GRK3: variants seen among roughly 807,000 people sequenced by gnomAD.
GRK3 encodes adrenergic, beta, receptor kinase 2.
GRK3 carries 54 observed loss-of-function variants against 95.7 expected under a neutral mutation model. The observed-to-expected ratio is 0.56, with a 90% CI of 0.45 to 0.71. The LOEUF (loss-of-function observed/expected upper bound fraction) is 0.71, where lower values mean the gene tolerates loss of function less well. Among genes scored for constraint, GRK3 ranks in the 30% least tolerant of loss-of-function variants. GRK3 has a pLI of 0.00. For synonymous variants in GRK3, 281 were observed against 290.8 expected (o/e 0.97, Z 0.34); for missense variants, 649 against 851.2 (o/e 0.76, Z 2.96).
At chr22:25,685,867 GTTTTT>G (rs146583867) in intron 10 of GRK3, among the ~76,000 whole-genome samples, 5 of 136,778 alleles carry the variant, frequency 3.7e-5, no homozygotes, top group African/African-American at 1.1e-4. Flanking sequence ...CACATGCCTA[GTTTTT>G]TTTTTTTTTT....
chr22:25,678,617 A>G (rs924635420), intron 8 of GRK3, among the ~76,000 whole-genome samples, 199 bp from the exon 9 acceptor site: 3 of 152,264 alleles, frequency 2.0e-5, no homozygotes, highest in Non-Finnish European at 4.4e-5. Context: ...AATGATACAA[A>G]TATCTTTTAA....
At chr22:25,651,728 G>C (rs1400216517) in intron 3 of GRK3, among the ~76,000 whole-genome samples, 1 of 152,224 alleles carries the variant, frequency 6.6e-6, no homozygotes, top group East Asian at 1.9e-4. Context: ...GAATGGAGCA[G>C]TTCCTTATAT....
intron 2 of GRK3, among the ~76,000 whole-genome samples, chr22:25,614,872 T>A (rs2084526187): frequency 6.6e-6 from 1 of 152,306 alleles, no homozygotes; most frequent in Non-Finnish European, 1.5e-5. Context: ...TCACTGGGAA[T>A]GTCTCTTTAA....
intron 2 of GRK3, among the ~76,000 whole-genome samples, chr22:25,634,078 C>T (rs1421415831): frequency 6.6e-6 from 1 of 152,034 alleles, no homozygotes; most frequent in East Asian, 1.9e-4. Context: ...TATTTTTCAC[C>T]ATTCAATTCA....
chr22:25,697,522 A>G (rs1014385000), intron 13 of GRK3, among the ~76,000 whole-genome samples: 1 of 152,174 alleles, frequency 6.6e-6, no homozygotes, highest in East Asian at 1.9e-4. Flanking sequence ...GATGGATGAG[A>G]TAAGTGGAGA....
At position 25,725,864 on chromosome 22, in the gene GRK3, G is replaced by T. The variant is rs1020980837; in HGVS notation, c.*3414G>T. 3.3e-5 allele frequency: 10 copies of T among 306,202 alleles called. No individual in the cohort carries two copies. Among genetic ancestry groups the T allele is most frequent in the African/African-American group, 1.7e-4 (8 of 46,414 alleles). The allele number at this position is 306,202 out of a possible 1,614,324, so 19.0% of individuals were successfully genotyped here. ...CTTGGGAGGCTGAGGCAGGAGAATG[G>T]CATGAACCCGGGAGGCAGAGCTTGC... On this transcript the variant is annotated 3_prime_UTR_variant, in exon 21 of 21. Transcript: ENST00000324198.
At chr22:25,673,004 C>A (rs188409761) in intron 7 of GRK3, among the ~76,000 whole-genome samples, 1 of 141,540 alleles carries the variant, frequency 7.1e-6, no homozygotes, top group African/African-American at 2.7e-5. Flanking sequence ...AACAATCAAC[C>A]GGAATTTTTT....
intron 19 of GRK3, among the ~76,000 whole-genome samples, chr22:25,720,688 G>A (rs2085425046): frequency 6.6e-6 from 1 of 151,952 alleles, no homozygotes; most frequent in Admixed American, 6.5e-5. Context: ...TCTTGGCCAG[G>A]TTGGTCTCGA....
At chr22:25,664,853 T>C (rs1043284947) in intron 5 of GRK3, among the ~76,000 whole-genome samples, 4 of 152,198 alleles carry the variant, frequency 2.6e-5, no homozygotes, top group African/African-American at 7.2e-5. Flanking sequence ...TTATGCAAAA[T>C]GAATTTGATT....
intron 1 of GRK3, among the ~76,000 whole-genome samples, chr22:25,603,175 C>G (rs1485549599): frequency 6.6e-6 from 1 of 152,116 alleles, no homozygotes; most frequent in Non-Finnish European, 1.5e-5. Flanking sequence ...CCTCGGCCTC[C>G]CAAAGTGGTG....
intron 1 of GRK3, among the ~76,000 whole-genome samples, chr22:25,587,180 C>G (rs1263686500): frequency 6.6e-6 from 1 of 152,136 alleles, no homozygotes; most frequent in Non-Finnish European, 1.5e-5. Context: ...CGTGAGCCAC[C>G]GTGCCCAGTG....
intron 19 of GRK3, among the ~76,000 whole-genome samples, chr22:25,719,692 G>C (rs1196174629): frequency 1.5e-5 from 2 of 130,422 alleles, no homozygotes; most frequent in Admixed American, 1.6e-4. Flanking sequence ...TTCTTTTCTT[G>C]GTGGGGTGGG....
At chr22:25,703,484 G>C in intron 13 of GRK3, 26 bp from the exon 14 acceptor site, 1 of 1,583,792 alleles carries the variant, frequency 6.3e-7, no homozygotes, top group Non-Finnish European at 8.7e-7. Context: ...GCCATATTTT[G>C]ATAGAACAAT....
chr22:25,594,481 G>T (rs1212439071), intron 1 of GRK3, among the ~76,000 whole-genome samples: 1 of 152,130 alleles, frequency 6.6e-6, no homozygotes, highest in Non-Finnish European at 1.5e-5. Context: ...AAATCCAGCA[G>T]CACATCAAAG....
chr22:25,568,179 A>G (rs1931559873), intron 1 of GRK3, among the ~76,000 whole-genome samples: 2 of 152,224 alleles, frequency 1.3e-5, no homozygotes, highest in Admixed American at 6.5e-5. Flanking sequence ...GTTGTTTTAC[A>G]TCATGTTGGA....
rs542733083 is a variant in GRK3 at position 25,673,962 on chromosome 22, A to C, written c.556-475A>C. Among the ~76,000 whole-genome samples the C allele has an allele frequency of 1.7e-4, 26 of 151,870 alleles. 1 individual carries two copies. The highest frequency in any genetic ancestry group is 6.8e-3 in the Middle Eastern group (2 of 294). ...TGGCCTGCATCTGTTGGGTTTCCTG[A>C]TCATATGGCCTTGTATCATGAACAC... is the stretch of plus-strand genomic sequence containing the variant. On this transcript the variant is annotated intron_variant, in intron 7 of 20. Coordinates refer to ENST00000324198, the MANE Select transcript of GRK3 (RefSeq NM_005160.4).
chr22:25,620,330 A>G (rs1202943094), intron 2 of GRK3, among the ~76,000 whole-genome samples: 2 of 152,096 alleles, frequency 1.3e-5, no homozygotes, highest in African/African-American at 4.8e-5. Context: ...GCAGGGCACC[A>G]TGATGTTCTG....
chr22:25,679,754 G>A (rs112113164), intron 9 of GRK3, among the ~76,000 whole-genome samples: 2 of 152,298 alleles, frequency 1.3e-5, no homozygotes, highest in African/African-American at 4.8e-5. Context: ...GGCATGGGGT[G>A]AGCGTGGAGG....
chr22:25,603,727 C>T (rs764388510), intron 1 of GRK3, among the ~76,000 whole-genome samples: 1 of 152,132 alleles, frequency 6.6e-6, no homozygotes, highest in Non-Finnish European at 1.5e-5. Context: ...TATTAAATTT[C>T]TCTGTTTATC....
Sources: allele counts gnomAD v4.1 joint callset (sites outside exome capture counted in the v4.1 genomes callset), GRCh38; gene constraint gnomAD v4.1.1; transcripts MANE v1.5; gene names NCBI Gene and HGNC (gene_info 2026-07-23, HGNC 2026-07-21).